Variants in ARHGAP15 observed in about 807,000 individuals in gnomAD.
ARHGAP15 encodes the protein Rho GTPase activating protein 15, also known as rho GTPase-activating protein 15.
Under a neutral mutation model 63.7 loss-of-function variants are expected in ARHGAP15, and 51 were observed. The observed-to-expected ratio is 0.80, with a 90% CI of 0.64 to 1.01. ARHGAP15 has a LOEUF of 1.01. ARHGAP15 is among the 50% of genes least tolerant of loss of function. The pLI is 0.00. For synonymous variants in ARHGAP15, 191 were observed against 193.8 expected (o/e 0.99, Z 0.12); for missense variants, 560 against 564.6 (o/e 0.99, Z 0.08).
chr2:143,196,267 A>G (rs1426975470), intron 2 of ARHGAP15, among the ~76,000 whole-genome samples: 1 of 152,038 alleles, frequency 6.6e-6, no homozygotes, highest in East Asian at 1.9e-4. Flanking sequence ...TTTCAGTAAT[A>G]CTAGGTTCAA....
rs760507932 is a variant in ARHGAP15, at chr2:143,475,621, C to T, written c.704-11752C>T. The stretch of plus-strand genomic sequence containing the variant: ...CTACAGAGGGTGCCAAGAGCATGGG[C>T]CCCAGGCCAGGAACCTGTCTTACAG... On this transcript the variant is annotated intron_variant, in intron 8 of 13. Transcript: ENST00000295095. Among the ~76,000 whole-genome samples, 35 of 152,292 alleles carry T rather than the reference C, an allele frequency of 2.3e-4. 1 individual carries two copies. Among genetic ancestry groups the T allele is most frequent in the Non-Finnish European group, 3.7e-4 (25 of 68,020 alleles).
chr2:143,743,706 A>C lies in ARHGAP15; in HGVS notation c.1245-24283A>C, dbSNP rs116531391. ...CAGATCTTTCAGCTTGGTATAAAACATATCAAGGGGATATCTGGTTAGAAG... is the reference window on the plus strand; with the variant it reads ...CAGATCTTTCAGCTTGGTATAAAACCTATCAAGGGGATATCTGGTTAGAAG... On this transcript the variant is annotated intron_variant, in intron 13 of 13. Coordinates refer to ENST00000295095, the MANE Select transcript of ARHGAP15 (RefSeq NM_018460.4). Among the ~76,000 whole-genome samples, 5 of 152,170 alleles carry C rather than the reference A, an allele frequency of 3.3e-5. No homozygotes were observed. In the South Asian group the frequency reaches 8.3e-4, roughly 25 times the overall value.
At chr2:143,390,703 T>A (rs948483770) in intron 6 of ARHGAP15, among the ~76,000 whole-genome samples, 2 of 149,962 alleles carry the variant, frequency 1.3e-5, no homozygotes, top group African/African-American at 4.9e-5. Context: ...ACCGTGGATA[T>A]TTCCAAGTAC....
chr2:143,252,530 G>A (rs1258498165), intron 6 of ARHGAP15, among the ~76,000 whole-genome samples: 1 of 151,906 alleles, frequency 6.6e-6, no homozygotes, highest in Non-Finnish European at 1.5e-5. Context: ...TCTTACAGAC[G>A]CTTTATTTTT....
At chr2:143,324,220 A>T (rs1476824561) in intron 6 of ARHGAP15, among the ~76,000 whole-genome samples, 1 of 152,174 alleles carries the variant, frequency 6.6e-6, no homozygotes, top group Non-Finnish European at 1.5e-5. Flanking sequence ...GTATGTAATC[A>T]TTTCTTTCCT....
At chr2:143,454,578 T>TC (rs1290009104) in intron 8 of ARHGAP15, among the ~76,000 whole-genome samples, 3 of 152,034 alleles carry the variant, frequency 2.0e-5, no homozygotes, top group African/African-American at 7.2e-5. Context: ...ATGAGGCAAC[T>TC]CAGGCTCAAC....
intron 11 of ARHGAP15, among the ~76,000 whole-genome samples, chr2:143,609,752 G>A (rs189244038): frequency 2.0e-5 from 3 of 151,960 alleles, no homozygotes; most frequent in Admixed American, 6.6e-5. Context: ...GTATGCACTC[G>A]CCTTCCAACA....
intron 4 of ARHGAP15, among the ~76,000 whole-genome samples, chr2:143,224,402 A>G (rs1693122817): frequency 6.6e-6 from 1 of 152,188 alleles, no homozygotes; most frequent in African/African-American, 2.4e-5. Context: ...TACTCAAAAA[A>G]TCTTTAATAA....
chr2:143,568,761 G>A (rs1192803414), intron 11 of ARHGAP15, among the ~76,000 whole-genome samples: 1 of 152,134 alleles, frequency 6.6e-6, no homozygotes, highest in Non-Finnish European at 1.5e-5. Context: ...TTGGAACCAA[G>A]CCAGATGTCC....
chr2:143,601,172 T>C, intron 11 of ARHGAP15, among the ~76,000 whole-genome samples: 1 of 152,156 alleles, frequency 6.6e-6, no homozygotes. Flanking sequence ...TCTCACTTAC[T>C]CTCCAAACAC....
At chr2:143,387,195 A>G (rs1005994768) in intron 6 of ARHGAP15, among the ~76,000 whole-genome samples, 3 of 152,194 alleles carry the variant, frequency 2.0e-5, no homozygotes, top group African/African-American at 7.2e-5. Flanking sequence ...AAAAGATGAA[A>G]AAGAGTTCAG....
At chr2:143,536,634 T>C (rs1218897280) in intron 10 of ARHGAP15, among the ~76,000 whole-genome samples, 1 of 151,822 alleles carries the variant, frequency 6.6e-6, no homozygotes. Flanking sequence ...TTTGGTTTTT[T>C]GTCCTTGCAA....
intron 6 of ARHGAP15, among the ~76,000 whole-genome samples, chr2:143,296,574 C>A (rs1349188947): frequency 1.3e-5 from 2 of 151,934 alleles, no homozygotes; most frequent in Non-Finnish European, 2.9e-5. Flanking sequence ...TCAGTGAAAA[C>A]CCAATCTAGA....
At chr2:143,379,763 A>G (rs1686983781) in intron 6 of ARHGAP15, among the ~76,000 whole-genome samples, 1 of 152,180 alleles carries the variant, frequency 6.6e-6, no homozygotes, top group South Asian at 2.1e-4. Context: ...TCAAGTAAAT[A>G]TACTTCAAAA....
intron 13 of ARHGAP15, among the ~76,000 whole-genome samples, chr2:143,712,689 T>C (rs1188016061): frequency 6.6e-6 from 1 of 152,076 alleles, no homozygotes; most frequent in Non-Finnish European, 1.5e-5. Context: ...GTATATTTTG[T>C]GATGAAAACT....
intron 6 of ARHGAP15, among the ~76,000 whole-genome samples, chr2:143,366,825 G>A (rs769532401): frequency 1.3e-5 from 2 of 152,150 alleles, no homozygotes; most frequent in African/African-American, 2.4e-5. Context: ...TCGTAGTTAT[G>A]TAATTATTCA....
At chr2:143,339,487 G>A (rs1684956199) in intron 6 of ARHGAP15, among the ~76,000 whole-genome samples, 1 of 152,050 alleles carries the variant, frequency 6.6e-6, no homozygotes, top group Admixed American at 6.6e-5. Flanking sequence ...GAAACATCAA[G>A]CAAACCTACA....
chr2:143,644,279 A>G (rs911479170), intron 12 of ARHGAP15, among the ~76,000 whole-genome samples: 6 of 152,054 alleles, frequency 3.9e-5, no homozygotes, highest in East Asian at 1.9e-4. Context: ...TGTTTGCTAG[A>G]TTCTTTTCTG....
At chr2:143,378,141 T>C (rs114936614) in intron 6 of ARHGAP15, among the ~76,000 whole-genome samples, 2 of 152,010 alleles carry the variant, frequency 1.3e-5, no homozygotes, top group South Asian at 2.1e-4. Flanking sequence ...TTGGGAGATA[T>C]GTTTCAATTC....
Sources: gnomAD v4.1 joint callset for allele counts (sites outside exome capture counted in the v4.1 genomes callset) on GRCh38, gnomAD v4.1.1 for gene constraint, MANE v1.5 for transcripts, NCBI Gene and HGNC (gene_info 2026-07-23, HGNC 2026-07-21) for gene names.